Variants in ETV6 observed in about 807,000 individuals in gnomAD.
The protein encoded by ETV6 is ETS variant transcription factor 6.
A neutral mutation model predicts 51.1 loss-of-function variants in ETV6; 16 were observed. The ratio of observed to expected loss-of-function variants is 0.31; its 90% CI spans 0.21 to 0.48. The LOEUF is 0.48. ETV6 is among the 20% of genes least tolerant of loss of function. The pLI is 0.99. For synonymous variants in ETV6, 240 were observed against 224.1 expected, an observed-to-expected ratio of 1.07 and a Z score of -0.64; for missense variants, 458 against 594.8, an observed-to-expected ratio of 0.77 and a Z score of 2.39.
At chr12:11,781,497 A>T (rs1945413575) in intron 2 of ETV6, among the ~76,000 whole-genome samples, 1 of 152,228 alleles carries the variant, frequency 6.6e-6, no homozygotes, top group Admixed American at 6.5e-5. Flanking sequence ...TATGGATTTG[A>T]TGCTCAGCTT....
chr12:11,687,582 A>G lies in ETV6; in HGVS notation c.33+37422A>G, dbSNP rs1424629579. ...GAGTATGAGAAATCAGTAAATTAAT[A>G]TGAAGAACTTAAAACACAGTTCTAG... On this transcript the variant is annotated intron_variant, in intron 1 of 7. Transcript: ENST00000396373. 3.3e-5 allele frequency among the ~76,000 whole-genome samples: 5 copies of G among 152,200 alleles called. No homozygotes were observed. In the East Asian group the frequency reaches 9.6e-4, roughly 29 times the overall value.
At chr12:11,802,719 GTTCT>G (rs1945767724) in intron 2 of ETV6, among the ~76,000 whole-genome samples, 1 of 152,118 alleles carries the variant, frequency 6.6e-6, no homozygotes, top group South Asian at 2.1e-4. Flanking sequence ...GGATTATTTT[GTTCT>G]TTGTCAGCAC....
Position 11,754,244 on chromosome 12 carries a change from T to TG in ETV6, c.163+1670dup, listed in dbSNP as rs1323972789. On this transcript the variant is annotated intron_variant, in intron 2 of 7. Transcript: ENST00000396373. ...CTGTGCCCGGCACTCTTCTGTGTCCTGGGGGTGCAGAAATGAACAAAGCAG... is the reference window on the plus strand; with the variant it reads ...CTGTGCCCGGCACTCTTCTGTGTCCTGGGGGGTGCAGAAATGAACAAAGCAG... 3.9e-5 allele frequency among the ~76,000 whole-genome samples: 6 copies of TG among 152,190 alleles called. No individual in the cohort carries two copies. The East Asian group carries it at 1.2e-3, about 29-fold the overall frequency.
chr12:11,712,541 C>T (rs1020999688), intron 1 of ETV6, among the ~76,000 whole-genome samples: 3 of 152,206 alleles, frequency 2.0e-5, no homozygotes, highest in African/African-American at 4.8e-5. Context: ...AGGAGATCCA[C>T]ATCGCTGTTG....
chr12:11,679,937 A>C (rs1386691628), intron 1 of ETV6, among the ~76,000 whole-genome samples: 2 of 152,178 alleles, frequency 1.3e-5, no homozygotes, highest in Non-Finnish European at 2.9e-5. Flanking sequence ...ATTTCATTTT[A>C]GTTTGGCATC....
intron 1 of ETV6, among the ~76,000 whole-genome samples, chr12:11,688,557 G>A (rs1438118262): frequency 6.6e-6 from 1 of 152,236 alleles, no homozygotes; most frequent in Non-Finnish European, 1.5e-5. Context: ...CTTCCCAGCA[G>A]TTCATACGAG....
At chr12:11,675,501 A>C (rs1315472819) in intron 1 of ETV6, among the ~76,000 whole-genome samples, 2 of 152,220 alleles carry the variant, frequency 1.3e-5, no homozygotes, top group Non-Finnish European at 2.9e-5. Context: ...ACAGCAAGGC[A>C]TAGGTTTTTT....
At chr12:11,746,278 G>C (rs1227324503) in intron 1 of ETV6, among the ~76,000 whole-genome samples, 1 of 152,228 alleles carries the variant, frequency 6.6e-6, no homozygotes, top group East Asian at 1.9e-4. Flanking sequence ...GCAGTTCAGA[G>C]AAGTAAAGTT....
At chr12:11,835,883 C>T (rs181848415) in intron 2 of ETV6, among the ~76,000 whole-genome samples, 20 of 152,266 alleles carry the variant, frequency 1.3e-4, no homozygotes, top group Non-Finnish European at 1.2e-4. Flanking sequence ...TTCAGATCTC[C>T]GCTTCTGTCA....
chr12:11,689,795 G>T (rs1165480750), intron 1 of ETV6, among the ~76,000 whole-genome samples: 3 of 131,858 alleles, frequency 2.3e-5, no homozygotes, highest in Admixed American at 7.6e-5. Context: ...TCTCCCACTG[G>T]GAGTCTTTTT....
intron 1 of ETV6, among the ~76,000 whole-genome samples, chr12:11,653,343 T>G (rs1863941475): frequency 6.6e-6 from 1 of 152,210 alleles, no homozygotes; most frequent in Non-Finnish European, 1.5e-5. Flanking sequence ...TTGTCAGGCT[T>G]GGCACAGCTT....
Position 11,869,752 on chromosome 12 carries a change from C to T in ETV6, c.792C>T (p.Arg264=), listed in dbSNP as rs1422938391. The change falls in exon 5 of 8, where the codon CGC becomes CGT. Residue 264 remains arginine (R), a synonymous_variant. Coordinates refer to ENST00000396373, the MANE Select transcript of ETV6 (RefSeq NM_001987.5). The surrounding 1 kb of genome is among the most constrained non-coding windows in gnomAD (Gnocchi z 5.0). The part of the protein sequence containing the change: ...KPSSPRQEST[R]VIQLMPSPIM... ...CCAGCCCCCGGCAGGAGAGCACACG[C>T]GTGATCCAGCTGATGCCCAGCCCCA... 44 of 1,613,524 alleles carry T rather than the reference C, an allele frequency of 2.7e-5. No individual in the cohort carries two copies. Among genetic ancestry groups the T allele is most frequent in the Non-Finnish European group, 3.3e-5 (39 of 1,180,020 alleles).
intron 2 of ETV6, among the ~76,000 whole-genome samples, chr12:11,819,805 A>G (rs1032076967): frequency 5.9e-5 from 9 of 152,224 alleles, no homozygotes; most frequent in African/African-American, 1.4e-4. Flanking sequence ...CATTTCTGCA[A>G]CAGCCTCTGA....
intron 1 of ETV6, among the ~76,000 whole-genome samples, chr12:11,668,352 A>G (rs1384839891): frequency 7.0e-6 from 1 of 142,242 alleles, no homozygotes; most frequent in African/African-American, 2.6e-5. Context: ...GTACTTTCCA[A>G]ATTCTAAATT....
chr12:11,788,865 C>G (rs1945531326), intron 2 of ETV6, among the ~76,000 whole-genome samples: 1 of 151,276 alleles, frequency 6.6e-6, no homozygotes, highest in African/African-American at 2.4e-5. Flanking sequence ...TAGATGCATC[C>G]TCGTAATCAT....
chr12:11,888,471 C>G (rs1233343511), intron 7 of ETV6, among the ~76,000 whole-genome samples: 1 of 149,708 alleles, frequency 6.7e-6, no homozygotes, highest in Non-Finnish European at 1.5e-5. Flanking sequence ...TCTCGACTCA[C>G]TGGAACCTCC....
At chr12:11,716,201 G>A (rs1234999845) in intron 1 of ETV6, among the ~76,000 whole-genome samples, 2 of 151,744 alleles carry the variant, frequency 1.3e-5, no homozygotes, top group Non-Finnish European at 2.9e-5. Context: ...CATGGTGGTG[G>A]GCGCCTGTAG....
intron 1 of ETV6, among the ~76,000 whole-genome samples, chr12:11,702,043 G>A (rs966958466): frequency 2.0e-5 from 3 of 152,194 alleles, no homozygotes; most frequent in African/African-American, 7.2e-5. Context: ...TTGGGGTACA[G>A]GTAACTTGGA....
intron 1 of ETV6, among the ~76,000 whole-genome samples, chr12:11,733,722 G>T (rs890428502): frequency 3.3e-5 from 5 of 152,188 alleles, no homozygotes; most frequent in African/African-American, 1.2e-4. Flanking sequence ...AATGAAATGT[G>T]TTTATTATTA....
Sources: allele counts gnomAD v4.1 joint callset (sites outside exome capture counted in the v4.1 genomes callset), GRCh38; gene constraint gnomAD v4.1.1; non-coding constraint Gnocchi (gnomAD v3.1); transcripts MANE v1.5; gene names NCBI Gene and HGNC (gene_info 2026-07-23, HGNC 2026-07-21).